DNER: variants seen among roughly 807,000 people sequenced by gnomAD.
DNER encodes the protein delta/notch like EGF repeat containing, also known as delta and Notch-like epidermal growth factor-related receptor.
DNER carries 33 observed loss-of-function variants against 78.2 expected under a neutral mutation model. That is an observed-to-expected ratio of 0.42 (90% CI 0.32 to 0.56). The LOEUF is 0.56. Ranked by LOEUF, DNER falls within the 20% of genes least tolerant of loss-of-function variation. The pLI, the probability that DNER is intolerant of heterozygous loss-of-function variation, is 0.11. For missense variants in DNER, 918 were observed against 975.3 expected, an observed-to-expected ratio of 0.94 and a Z score of 0.78; for synonymous variants, 417 against 384.8, an observed-to-expected ratio of 1.08 and a Z score of -0.98.
intron 6 of DNER, among the ~76,000 whole-genome samples, chr2:229,502,670 T>G (rs1695646135): frequency 6.6e-6 from 1 of 152,194 alleles, no homozygotes. Flanking sequence ...TTACATGGAT[T>G]TGGATGGTTA....
chr2:229,466,116 C>T (rs1367156895), intron 7 of DNER, among the ~76,000 whole-genome samples: 1 of 152,056 alleles, frequency 6.6e-6, no homozygotes, highest in Non-Finnish European at 1.5e-5. Flanking sequence ...TAATTTCTTC[C>T]AAGTGCTAAA....
At chr2:229,560,779 T>C (rs1696943298) in intron 4 of DNER, among the ~76,000 whole-genome samples, 1 of 152,124 alleles carries the variant, frequency 6.6e-6, no homozygotes, top group South Asian at 2.1e-4. Context: ...GTGGCAATGA[T>C]TACACGAGGC....
chr2:229,370,418 A>T (rs1442205502), intron 11 of DNER, among the ~76,000 whole-genome samples: 1 of 152,214 alleles, frequency 6.6e-6, no homozygotes, highest in Admixed American at 6.5e-5. Context: ...GAGCTTAGTA[A>T]AACTAAATGA....
intron 1 of DNER, among the ~76,000 whole-genome samples, chr2:229,697,485 C>T (rs1462888467): frequency 6.6e-6 from 1 of 152,190 alleles, no homozygotes; most frequent in East Asian, 1.9e-4. Flanking sequence ...TATTATGTGA[C>T]TTTTACTTCA....
chr2:229,376,511 T>C (rs897317271), intron 11 of DNER, among the ~76,000 whole-genome samples: 1 of 152,232 alleles, frequency 6.6e-6, no homozygotes, highest in African/African-American at 2.4e-5. Flanking sequence ...CATTCTAGTA[T>C]TGCTTTAAAT....
chr2:229,595,759 C>T (rs1049645929), intron 1 of DNER, among the ~76,000 whole-genome samples: 1 of 152,244 alleles, frequency 6.6e-6, no homozygotes, highest in Admixed American at 6.5e-5. Context: ...GTACCCTCTG[C>T]CGGGAATGCC....
chr2:229,632,350 T>C (rs1279614369), intron 1 of DNER, among the ~76,000 whole-genome samples: 1 of 152,174 alleles, frequency 6.6e-6, no homozygotes, highest in East Asian at 1.9e-4. Context: ...AAATAAACAC[T>C]AACTATAATA....
intron 10 of DNER, among the ~76,000 whole-genome samples, chr2:229,389,008 T>C (rs1336233144): frequency 6.6e-6 from 1 of 151,954 alleles, no homozygotes; most frequent in Non-Finnish European, 1.5e-5. Context: ...AATCCCTGGA[T>C]GTGATTCTGC....
intron 8 of DNER, among the ~76,000 whole-genome samples, chr2:229,434,921 TATATAC>T (rs1368193173): frequency 1.7e-3 from 104 of 61,568 alleles, no homozygotes; most frequent in Admixed American, 9.8e-3. Context: ...TATATATATA[TATATAC>T]ACACACACAC....
intron 11 of DNER, among the ~76,000 whole-genome samples, chr2:229,379,190 A>G (rs758958472): frequency 1.3e-5 from 2 of 152,206 alleles, no homozygotes; most frequent in Non-Finnish European, 2.9e-5. Flanking sequence ...ACAATTGCTG[A>G]AGGTTAATCC....
chr2:229,513,396 C>T (rs1356293150), intron 5 of DNER, among the ~76,000 whole-genome samples: 1 of 152,206 alleles, frequency 6.6e-6, no homozygotes, highest in African/African-American at 2.4e-5. Flanking sequence ...TGAGAAAATG[C>T]ACTGAATCAC....
At chr2:229,552,437 T>C (rs114598683) in intron 4 of DNER, among the ~76,000 whole-genome samples, 2,096 of 152,278 alleles carry the variant, frequency 0.014, 25 homozygotes, top group Middle Eastern at 0.031. Flanking sequence ...TCATTGTGAA[T>C]TGTTGTTCCC....
At chr2:229,373,838 A>G (rs1692542805) in intron 11 of DNER, among the ~76,000 whole-genome samples, 1 of 152,194 alleles carries the variant, frequency 6.6e-6, no homozygotes, top group Admixed American at 6.5e-5. Context: ...TTAACATAGG[A>G]GCAGAAAAAC....
intron 1 of DNER, among the ~76,000 whole-genome samples, chr2:229,704,718 G>A (rs575598312): frequency 6.6e-6 from 1 of 152,196 alleles, no homozygotes; most frequent in African/African-American, 2.4e-5. Flanking sequence ...GGATGATTGC[G>A]GTGGTGTTAC....
chr2:229,687,999 A>C (rs972484545), intron 1 of DNER, among the ~76,000 whole-genome samples: 2 of 152,244 alleles, frequency 1.3e-5, no homozygotes, highest in African/African-American at 4.8e-5. Context: ...AATCTATGCC[A>C]ATCCACTGCC....
chr2:229,679,584 A>G (rs149053169), intron 1 of DNER, among the ~76,000 whole-genome samples: 290 of 152,318 alleles, frequency 1.9e-3, no homozygotes, highest in African/African-American at 6.6e-3. Flanking sequence ...AAGGTATGTC[A>G]TAACTGGCAC....
intron 5 of DNER, among the ~76,000 whole-genome samples, chr2:229,530,185 T>C (rs1169326103): frequency 6.6e-6 from 1 of 152,240 alleles, no homozygotes; most frequent in Non-Finnish European, 1.5e-5. Flanking sequence ...ATGAAATATA[T>C]AAATGGTATT....
intron 1 of DNER, among the ~76,000 whole-genome samples, chr2:229,693,533 T>C (rs1699615603): frequency 6.6e-6 from 1 of 152,090 alleles, no homozygotes; most frequent in African/African-American, 2.4e-5. Context: ...AGGGACTTGT[T>C]AAGTGGCTTT....
intron 6 of DNER, among the ~76,000 whole-genome samples, chr2:229,506,137 A>G (rs1438890392): frequency 6.6e-6 from 1 of 152,074 alleles, no homozygotes; most frequent in African/African-American, 2.4e-5. Flanking sequence ...AATACCCAAA[A>G]CTGGGTAATT....
Sources: allele counts gnomAD v4.1 joint callset (sites outside exome capture counted in the v4.1 genomes callset), GRCh38; gene constraint gnomAD v4.1.1; transcripts MANE v1.5; gene names NCBI Gene and HGNC (gene_info 2026-07-23, HGNC 2026-07-21).